The following SPECC1L variants were observed in gnomAD, a reference collection of about 807,000 sequenced individuals.
SPECC1L encodes the protein sperm antigen with calponin homology and coiled-coil domains 1 like, also known as cytospin-A.
A neutral mutation model predicts 116.8 loss-of-function variants in SPECC1L; 40 were observed. The ratio of observed to expected loss-of-function variants is 0.34; its 90% CI spans 0.27 to 0.45. SPECC1L has a LOEUF of 0.45. Among genes scored for constraint, SPECC1L ranks in the 20% least tolerant of loss-of-function variants. The pLI, the probability that SPECC1L is intolerant of heterozygous loss-of-function variation, is 1.00. For synonymous variants in SPECC1L, 504 were observed against 500.6 expected, an observed-to-expected ratio of 1.01 and a Z score of -0.09; for missense variants, 1,110 against 1,373.6, an observed-to-expected ratio of 0.81 and a Z score of 3.03.
At chr22:24,309,651 G>A (rs1000731786) in intron 3 of SPECC1L, among the ~76,000 whole-genome samples, 3 of 152,014 alleles carry the variant, frequency 2.0e-5, no homozygotes, top group African/African-American at 7.2e-5. Context: ...TACCCACCTT[G>A]TCCTCCCAAA....
intron 14 of SPECC1L, among the ~76,000 whole-genome samples, chr22:24,383,803 T>TTTTTTTTTTTTC (rs2042108750): frequency 4.0e-5 from 1 of 25,024 alleles, no homozygotes; most frequent in Non-Finnish European, 8.9e-5. Flanking sequence ...TTTTTTTTTT[T>TTTTTTTTTTTTC]TTTTTTTTTT....
chr22:24,326,046 C>G (rs976797142), intron 6 of SPECC1L, among the ~76,000 whole-genome samples: 1 of 152,040 alleles, frequency 6.6e-6, no homozygotes. Context: ...CTCTGCCCCC[C>G]GGGTTCAAGC....
At chr22:24,375,000 A>G (rs2041944610) in intron 14 of SPECC1L, among the ~76,000 whole-genome samples, 1 of 151,776 alleles carries the variant, frequency 6.6e-6, no homozygotes. Context: ...GAATAAAGGG[A>G]CGTTACTAAT....
chr22:24,383,252 A>G (rs2042095185), intron 14 of SPECC1L, among the ~76,000 whole-genome samples: 2 of 152,294 alleles, frequency 1.3e-5, no homozygotes, highest in Middle Eastern at 6.8e-3. Flanking sequence ...CCTCTATACT[A>G]TTTGAAACAT....
In SPECC1L at chr22:24,322,635, A is replaced by G; in HGVS notation, c.1655A>G (p.Gln552Arg). 1 of 1,614,010 alleles carries G rather than the reference A, an allele frequency of 6.2e-7. No individual in the cohort carries two copies. Among genetic ancestry groups the G allele is most frequent in the Non-Finnish European group, 8.5e-7 (1 of 1,179,978 alleles). The change falls in exon 5 of 17, where the codon CAG becomes CGG. Residue 552 changes from glutamine (Q) to arginine (R), a missense_variant. By Grantham distance (43) the Gln-to-Arg change is conservative. Coordinates refer to ENST00000314328, the MANE Select transcript of SPECC1L (RefSeq NM_015330.6). ...HHMERIIESE[Q>R]KGKAALAATL... ...ATGGAGCGAATTATTGAGTCTGAGC[A>G]GAAAGGAAAAGCAGCCTTGGCAGCC...
At chr22:24,302,999 A>G (rs1478411680) in intron 3 of SPECC1L, among the ~76,000 whole-genome samples, 2 of 151,800 alleles carry the variant, frequency 1.3e-5, no homozygotes, top group East Asian at 1.9e-4. Flanking sequence ...TATTATTACT[A>G]TTACCATTTT....
intron 14 of SPECC1L, among the ~76,000 whole-genome samples, chr22:24,393,811 C>T (rs2042315999): frequency 6.6e-6 from 1 of 152,168 alleles, no homozygotes; most frequent in South Asian, 2.1e-4. Flanking sequence ...AACATTTCCT[C>T]GTGCCCCTTT....
chr22:24,304,444 C>G (rs555103037), intron 3 of SPECC1L: 1 of 152,376 alleles, frequency 6.6e-6, no homozygotes, highest in South Asian at 2.1e-4. Flanking sequence ...AACACTACTG[C>G]TGCTCACAGT....
intron 14 of SPECC1L, among the ~76,000 whole-genome samples, chr22:24,407,377 G>T (rs933700190): frequency 3.3e-5 from 5 of 152,190 alleles, no homozygotes; most frequent in African/African-American, 9.7e-5. Context: ...CTTCCCTGGC[G>T]GGGTGTTGGG....
chr22:24,289,452 A>C (rs1226511815), intron 2 of SPECC1L, among the ~76,000 whole-genome samples: 1 of 152,178 alleles, frequency 6.6e-6, no homozygotes, highest in Non-Finnish European at 1.5e-5. Flanking sequence ...AGGTCTTGGC[A>C]TAAGATTAGG....
intron 14 of SPECC1L, among the ~76,000 whole-genome samples, chr22:24,386,839 T>C (rs2042169457): frequency 6.6e-6 from 1 of 152,056 alleles, no homozygotes; most frequent in Non-Finnish European, 1.5e-5. Flanking sequence ...CTCCTGACCT[T>C]GTGATCAGCC....
intron 2 of SPECC1L, among the ~76,000 whole-genome samples, chr22:24,291,236 C>T (rs1354016495): frequency 6.6e-6 from 1 of 152,088 alleles, no homozygotes; most frequent in Middle Eastern, 3.2e-3. Flanking sequence ...TGTTTGATTC[C>T]GTGTTCTGAA....
Position 24,324,421 on chromosome 22 carries a change from C to G in SPECC1L, c.2140C>G (p.Leu714Val), listed in dbSNP as rs1241690139. The G allele has an allele frequency of 1.2e-6, 2 of 1,612,490 alleles. No individual in the cohort carries two copies. The highest frequency in any genetic ancestry group is 1.7e-6 in the Non-Finnish European group (2 of 1,178,674). The change falls in exon 6 of 17, where the codon CTA becomes GTA. Residue 714 changes from leucine to valine, a missense_variant. Transcript: ENST00000314328. The stretch of plus-strand genomic sequence containing the variant: ...TCATGACAACCTCATTATTTCTGAT[C>G]TAGAGAGTAAGTGATAAGAACTTTT... ...KLHDNLIISD[L>V]ENTVKKLQDQ... is the part of the protein sequence containing the mutation.
At chr22:24,396,899 T>A (rs923117255) in intron 14 of SPECC1L, among the ~76,000 whole-genome samples, 2 of 151,972 alleles carry the variant, frequency 1.3e-5, no homozygotes, top group Non-Finnish European at 2.9e-5. Flanking sequence ...CCCAAAAAAA[T>A]AAGCATGGGG....
At chr22:24,302,158 G>A (rs1259707199) in intron 2 of SPECC1L, 37 bp from the exon 3 acceptor site, 1 of 1,489,774 alleles carries the variant, frequency 6.7e-7, no homozygotes, top group Admixed American at 1.8e-5. Flanking sequence ...CTTCCTTCCA[G>A]TTATGTTCTC....
chr22:24,319,844 C>A (rs2146471073), intron 4 of SPECC1L, among the ~76,000 whole-genome samples: 1 of 152,196 alleles, frequency 6.6e-6, no homozygotes, highest in Admixed American at 6.5e-5. Context: ...ACCTAATGAA[C>A]CAGCAGGGTC....
At chr22:24,352,765 C>T (rs1325293441) in intron 11 of SPECC1L, among the ~76,000 whole-genome samples, 1 of 152,054 alleles carries the variant, frequency 6.6e-6, no homozygotes, top group Non-Finnish European at 1.5e-5. Flanking sequence ...TTAGTCACTC[C>T]CCCTTCTTCT....
intron 2 of SPECC1L, among the ~76,000 whole-genome samples, chr22:24,278,716 A>C (rs3876097): frequency 6.6e-6 from 1 of 152,264 alleles, no homozygotes; most frequent in African/African-American, 2.4e-5. Context: ...AATCGTTGGC[A>C]GCTTTCTTAG....
chr22:24,382,027 C>T (rs1260431296), intron 14 of SPECC1L, among the ~76,000 whole-genome samples: 1 of 151,958 alleles, frequency 6.6e-6, no homozygotes, highest in Non-Finnish European at 1.5e-5. Context: ...AAAAAAAAAT[C>T]AGTAATTAAA....
Sources: gnomAD v4.1 joint callset for allele counts (sites outside exome capture counted in the v4.1 genomes callset) on GRCh38, gnomAD v4.1.1 for gene constraint, MANE v1.5 for transcripts, NCBI Gene and HGNC (gene_info 2026-07-23, HGNC 2026-07-21) for gene names.